FOXP2: variants seen among roughly 807,000 people sequenced by gnomAD.
FOXP2 encodes the protein forkhead box protein P2.
In FOXP2, 12 loss-of-function variants were observed where a neutral mutation model predicts 115.8. That is an observed-to-expected ratio of 0.10 (90% CI 0.07 to 0.17). The LOEUF (loss-of-function observed/expected upper bound fraction) is 0.17. Ranked by LOEUF, FOXP2 falls within the 10% of genes least tolerant of loss-of-function variation. The probability of loss-of-function intolerance (pLI) is 1.00; values close to 1 mark genes in which losing one functional copy is unlikely to be tolerated. For synonymous variants in FOXP2, 328 were observed against 297.7 expected, an observed-to-expected ratio of 1.10 and a Z score of -1.05; for missense variants, 629 against 843.5, an observed-to-expected ratio of 0.75 and a Z score of 3.15.
chr7:114,679,067 C>T (rs1807932099), intron 16 of FOXP2, among the ~76,000 whole-genome samples: 1 of 152,146 alleles, frequency 6.6e-6, no homozygotes, highest in Non-Finnish European at 1.5e-5. Context: ...CAGGCTCAAG[C>T]AATCTGCCTG....
intron 16 of FOXP2, among the ~76,000 whole-genome samples, chr7:114,681,973 C>CA (rs1281409412): frequency 6.6e-6 from 1 of 151,896 alleles, no homozygotes; most frequent in Non-Finnish European, 1.5e-5. Context: ...TACTTTCTTC[C>CA]AAAAAAGGTT....
chr7:114,287,928 G>A (rs1796506193), intron 1 of FOXP2: 1 of 319,344 alleles, frequency 3.1e-6, no homozygotes, highest in East Asian at 8.5e-5. Flanking sequence ...GGATGAATAT[G>A]TTTTATGTTC....
chr7:114,568,476 G>T (rs572984832), intron 3 of FOXP2, among the ~76,000 whole-genome samples: 1 of 149,696 alleles, frequency 6.7e-6, no homozygotes, highest in East Asian at 2.0e-4. Flanking sequence ...TTTGTTTTTT[G>T]TCAAGGTTAT....
intron 1 of FOXP2, among the ~76,000 whole-genome samples, chr7:114,215,766 C>A (rs1392887095): frequency 6.6e-6 from 1 of 151,762 alleles, no homozygotes; most frequent in Non-Finnish European, 1.5e-5. Flanking sequence ...TCTTACAGTA[C>A]AAAATCTATA....
At chr7:114,174,929 G>A (rs1793247598) in intron 1 of FOXP2, among the ~76,000 whole-genome samples, 1 of 152,052 alleles carries the variant, frequency 6.6e-6, no homozygotes, top group Non-Finnish European at 1.5e-5. Context: ...TAAGAAAGTA[G>A]CCTGTATATC....
At chr7:114,436,038 C>A (rs1794330669) in intron 2 of FOXP2, among the ~76,000 whole-genome samples, 1 of 151,898 alleles carries the variant, frequency 6.6e-6, no homozygotes, top group South Asian at 2.1e-4. Context: ...TACTGTGAAG[C>A]ATTGGGAAAA....
chr7:114,255,077 G>A (rs1200765975), intron 1 of FOXP2, among the ~76,000 whole-genome samples: 3 of 152,142 alleles, frequency 2.0e-5, no homozygotes, highest in African/African-American at 7.2e-5. Context: ...TGTTTGCCTG[G>A]GTATCAGCAG....
chr7:114,482,041 A>T (rs995655987), intron 2 of FOXP2, among the ~76,000 whole-genome samples: 1 of 151,272 alleles, frequency 6.6e-6, no homozygotes, highest in African/African-American at 2.4e-5. Flanking sequence ...TATTCCTCCT[A>T]GTTGGCAGGG....
intron 3 of FOXP2, among the ~76,000 whole-genome samples, chr7:114,624,098 G>A (rs1185669581): frequency 1.3e-5 from 2 of 151,814 alleles, no homozygotes; most frequent in Admixed American, 1.3e-4. Flanking sequence ...GCATTCCAAT[G>A]CAATAAATAG....
chr7:114,359,376 A>G (rs547383026), intron 2 of FOXP2, among the ~76,000 whole-genome samples: 4 of 152,350 alleles, frequency 2.6e-5, no homozygotes, highest in Admixed American at 2.6e-4. Context: ...CTAGGGGAGC[A>G]CAAAAGGGAA....
At position 114,200,452 on chromosome 7, in the gene FOXP2, AC is replaced by A. The variant is rs1794030553; in HGVS notation, c.-102+37365del. ...ACATTGTACTGAGATGTCTGAGGAG[AC>A]TAGGGAGACAGGAAACACTGAAAGA... On this transcript the variant is annotated intron_variant, in intron 1 of 17. Transcript: ENST00000634411. 3.9e-5 allele frequency among the ~76,000 whole-genome samples: 6 copies of A among 152,204 alleles called. 1 individual carries two copies. In the South Asian group the frequency reaches 1.2e-3, roughly 32 times the overall value.
intron 1 of FOXP2, among the ~76,000 whole-genome samples, chr7:114,253,856 G>A (rs1043365201): frequency 4.6e-5 from 7 of 152,176 alleles, no homozygotes; most frequent in African/African-American, 1.7e-4. Context: ...TGGTTATTTT[G>A]CTCGTTACTT....
At chr7:114,522,187 T>C (rs1798658969) in intron 2 of FOXP2, among the ~76,000 whole-genome samples, 1 of 152,178 alleles carries the variant, frequency 6.6e-6, no homozygotes, top group African/African-American at 2.4e-5. Flanking sequence ...GAAATGCTTC[T>C]TGTGCTTCTT....
chr7:114,683,477 A>C (rs940571048), intron 16 of FOXP2, among the ~76,000 whole-genome samples: 1 of 152,210 alleles, frequency 6.6e-6, no homozygotes, highest in Non-Finnish European at 1.5e-5. Flanking sequence ...CTCATCTGTA[A>C]AATGGGAAGT....
intron 2 of FOXP2, among the ~76,000 whole-genome samples, chr7:114,325,703 C>A (rs1797538488): frequency 6.6e-6 from 1 of 151,782 alleles, no homozygotes; most frequent in South Asian, 2.1e-4. Context: ...AATAATAAAG[C>A]TAGAATAGGA....
rs114949966 is a variant in FOXP2 at position 114,341,463 on chromosome 7, A to G, written c.-11+53354A>G. Among the ~76,000 whole-genome samples, 1,150 of 151,480 alleles carry G rather than the reference A, an allele frequency of 7.6e-3. 16 individuals are homozygous for G. The highest frequency in any genetic ancestry group is 0.024 in the African/African-American group (1,009 of 41,476). On this transcript the variant is annotated intron_variant, in intron 2 of 17. Coordinates refer to the FOXP2 transcript ENST00000634411. Reference sequence around the variant, plus strand: ...AAAAGAAGACAAGACAGATAAATTGATATCTCCAGGGTTGTTTAAAAACAA... The same window carrying G: ...AAAAGAAGACAAGACAGATAAATTGGTATCTCCAGGGTTGTTTAAAAACAA...
At chr7:114,268,797 T>G (rs1354368868) in intron 1 of FOXP2, among the ~76,000 whole-genome samples, 1 of 152,094 alleles carries the variant, frequency 6.6e-6, no homozygotes, top group African/African-American at 2.4e-5. Flanking sequence ...ACTAAATTAT[T>G]AGAGGCATGA....
chr7:114,088,019 A>G (rs1799459772), intron 1 of FOXP2: 1 of 152,186 alleles, frequency 6.6e-6, no homozygotes, highest in Non-Finnish European at 1.5e-5. Flanking sequence ...CGGAATCCCC[A>G]AAGACCTAGA....
intron 1 of FOXP2, among the ~76,000 whole-genome samples, chr7:114,173,426 A>G: frequency 7.4e-6 from 1 of 135,832 alleles, no homozygotes; most frequent in Admixed American, 7.6e-5. Context: ...CCATATTTTC[A>G]GGTGGTTAAT....
Sources: allele counts gnomAD v4.1 joint callset (sites outside exome capture counted in the v4.1 genomes callset), GRCh38; gene constraint gnomAD v4.1.1; transcripts MANE v1.5; gene names NCBI Gene and HGNC (gene_info 2026-07-23, HGNC 2026-07-21).